Variants in GLYR1 observed in about 807,000 individuals in gnomAD.
The protein encoded by GLYR1 is cytokine-like nuclear factor N-PAC.
A neutral mutation model predicts 72.7 loss-of-function variants in GLYR1; 21 were observed. The observed-to-expected ratio is 0.29, with a 90% CI of 0.20 to 0.42. The LOEUF (loss-of-function observed/expected upper bound fraction) is 0.42. Among genes scored for constraint, GLYR1 ranks in the 10% least tolerant of loss-of-function variants. The pLI is 1.00. For missense variants in GLYR1, 594 were observed against 712.1 expected, an observed-to-expected ratio of 0.83 and a Z score of 1.89; for synonymous variants, 392 against 270.2, an observed-to-expected ratio of 1.45 and a Z score of -4.42.
chr16:4,812,225 G>A lies in GLYR1; in HGVS notation c.1143C>T (p.Arg381=), dbSNP rs1259757548. 1 of 1,613,662 alleles carries A rather than the reference G, an allele frequency of 6.2e-7. No individual in the cohort carries two copies. Among genetic ancestry groups the A allele is most frequent in the Non-Finnish European group, 8.5e-7 (1 of 1,180,000 alleles). ...LAQVIVSRGG[R]FLEAPVSGNQ... Reference sequence around the variant, plus strand: ...TCCCTGAGACGGGGGCTTCCAGAAAGCGCCCCCCCCTGGACACAATCACCT... The same window carrying A: ...TCCCTGAGACGGGGGCTTCCAGAAAACGCCCCCCCCTGGACACAATCACCT... Residue 381 remains arginine (R), a synonymous_variant, in exon 13 of 16, where the codon CGC becomes CGT. Coordinates refer to ENST00000321919, the MANE Select transcript of GLYR1 (RefSeq NM_032569.4).
intron 15 of GLYR1, among the ~76,000 whole-genome samples, chr16:4,807,038 C>T (rs2083026100): frequency 1.3e-5 from 2 of 151,402 alleles, no homozygotes; most frequent in Non-Finnish European, 2.9e-5. Context: ...GATCTCCTGA[C>T]CTCGTGATCC....
chr16:4,841,056 AAGG>A (rs1458616656), intron 3 of GLYR1, among the ~76,000 whole-genome samples: 1 of 152,216 alleles, frequency 6.6e-6, no homozygotes, highest in Non-Finnish European at 1.5e-5. Context: ...AACTCTAGCA[AAGG>A]AGTTTAAAAA....
At chr16:4,836,526 C>T (rs1283258079) in intron 3 of GLYR1, among the ~76,000 whole-genome samples, 3 of 152,102 alleles carry the variant, frequency 2.0e-5, no homozygotes, top group Admixed American at 1.3e-4. Flanking sequence ...ATGAATGACA[C>T]ATTGTGATAG....
At chr16:4,816,206 T>C (rs949308310) in intron 10 of GLYR1, among the ~76,000 whole-genome samples, 1 of 151,920 alleles carries the variant, frequency 6.6e-6, no homozygotes, top group Non-Finnish European at 1.5e-5. Flanking sequence ...TGCAGTGGTA[T>C]GATCACAGCT....
At position 4,843,405 on chromosome 16, in the gene GLYR1, T is replaced by G. The variant is rs2085708261; in HGVS notation, c.155+1669A>C. On this transcript the variant is annotated intron_variant, in intron 3 of 15. Coordinates refer to ENST00000321919, the MANE Select transcript of GLYR1 (RefSeq NM_032569.4). ...CATGACCTCCAGTGATCCACCCACCTTGGCCTCCCAAAGTACTGGGATTGC... is the reference window on the plus strand; with the variant it reads ...CATGACCTCCAGTGATCCACCCACCGTGGCCTCCCAAAGTACTGGGATTGC... 3 of 1,088,772 alleles carry G rather than the reference T, an allele frequency of 2.8e-6. No homozygotes were observed. The African/African-American group carries it at 5.0e-5, about 18-fold the overall frequency. 67.4% of individuals were successfully genotyped at this position (1,088,772 alleles called of 1,614,324 possible).
chr16:4,832,245 A>G (rs1320073213), intron 4 of GLYR1, 24 bp from the exon 5 acceptor site: 9 of 1,612,568 alleles, frequency 5.6e-6, no homozygotes, highest in South Asian at 3.3e-5. Context: ...AATAATAATG[A>G]TAACTACCAC....
At chr16:4,845,041 G>T (rs775579437) in intron 3 of GLYR1, 33 bp downstream of exon 3, 2 of 1,430,432 alleles carry the variant, frequency 1.4e-6, no homozygotes, top group South Asian at 2.3e-5. Context: ...CAGAAAGAAA[G>T]GCGAAGGGAG....
chr16:4,846,263 C>T (rs1172761067), intron 1 of GLYR1, 53 bp from the exon 2 acceptor site: 15 of 1,569,212 alleles, frequency 9.6e-6, no homozygotes, highest in Non-Finnish European at 1.3e-5. Context: ...AGTCCATCTC[C>T]TTCAACCCAC....
chr16:4,807,111 T>A (rs918356634), intron 15 of GLYR1, among the ~76,000 whole-genome samples: 2 of 145,258 alleles, frequency 1.4e-5, no homozygotes, highest in Admixed American at 6.8e-5. Flanking sequence ...TGGCCCCTTT[T>A]TTTTTTTTTT....
At chr16:4,813,392 T>G (rs1430133001) in intron 12 of GLYR1, among the ~76,000 whole-genome samples, 1 of 152,078 alleles carries the variant, frequency 6.6e-6, no homozygotes, top group Non-Finnish European at 1.5e-5. Context: ...CCCACTCCCT[T>G]ATTTGGGCCA....
chr16:4,810,076 G>A (rs574815801), intron 15 of GLYR1, among the ~76,000 whole-genome samples: 1 of 152,128 alleles, frequency 6.6e-6, no homozygotes, highest in South Asian at 2.1e-4. Context: ...AGTAATTCAT[G>A]GATCAAAGAA....
intron 4 of GLYR1, 77 bp from the exon 5 acceptor site, chr16:4,832,298 T>G (rs1416685361): frequency 6.4e-6 from 10 of 1,550,466 alleles, no homozygotes. Flanking sequence ...ACAGGTGCCA[T>G]GTGCTGCTAC....
chr16:4,810,437 G>A (rs2083259781), intron 15 of GLYR1, among the ~76,000 whole-genome samples: 1 of 151,996 alleles, frequency 6.6e-6, no homozygotes, highest in South Asian at 2.1e-4. Flanking sequence ...TTGAACCCAG[G>A]AGGCAGAGGC....
In GLYR1 at chr16:4,805,202, G is replaced by T; in HGVS notation, c.*34C>A. ...ATGTGAGGAAGAGGGGGTCAGAGGG[G>T]GGATTGGAGGGGTGAGGGCGGGGTG... On this transcript the variant is annotated 3_prime_UTR_variant, in exon 16 of 16. Transcript: ENST00000321919. 6.3e-7 allele frequency: 1 copy of T among 1,589,850 alleles called. No homozygotes were observed. The highest frequency in any genetic ancestry group is 8.6e-7 in the Non-Finnish European group (1 of 1,158,832).
chr16:4,824,954 T>C (rs1257700474), intron 5 of GLYR1, among the ~76,000 whole-genome samples: 1 of 152,144 alleles, frequency 6.6e-6, no homozygotes, highest in Non-Finnish European at 1.5e-5. Context: ...AGAGCCCTTC[T>C]TGACCCCTCT....
intron 4 of GLYR1, 181 bp from the exon 5 acceptor site, chr16:4,832,402 T>C: frequency 2.7e-6 from 2 of 728,414 alleles, no homozygotes; most frequent in Non-Finnish European, 4.4e-6. Flanking sequence ...AATATATATA[T>C]CAAAAGTCAC....
intron 3 of GLYR1, among the ~76,000 whole-genome samples, chr16:4,837,858 G>T (rs1281255042): frequency 6.6e-6 from 1 of 151,972 alleles, no homozygotes; most frequent in Non-Finnish European, 1.5e-5. Flanking sequence ...TTGAACCCAG[G>T]AGGCGGAGGT....
At chr16:4,823,052 A>G (rs1596344415) in intron 6 of GLYR1, 121 bp from the exon 7 acceptor site, 1 of 828,490 alleles carries the variant, frequency 1.2e-6, no homozygotes, top group Non-Finnish European at 2.0e-6. Context: ...CTTTTTCACA[A>G]TTGTCTGGAA....
intron 6 of GLYR1, 128 bp downstream of exon 6, chr16:4,823,693 T>C (rs1295265475): frequency 1.3e-6 from 1 of 779,216 alleles, no homozygotes; most frequent in Non-Finnish European, 2.1e-6. Context: ...TTCATAGACT[T>C]CTGTACTGTT....
Sources: gnomAD v4.1 joint callset for allele counts (sites outside exome capture counted in the v4.1 genomes callset) on GRCh38, gnomAD v4.1.1 for gene constraint, MANE v1.5 for transcripts, NCBI Gene and HGNC (gene_info 2026-07-23, HGNC 2026-07-21) for gene names.